GABBR2: variants seen among roughly 807,000 people sequenced by gnomAD.
GABBR2 encodes the protein gamma-aminobutyric acid type B receptor subunit 2, also known as G-protein coupled receptor 51.
In GABBR2, 23 loss-of-function variants were observed where a neutral mutation model predicts 105.6. The ratio of observed to expected loss-of-function variants is 0.22; its 90% CI spans 0.16 to 0.31. GABBR2 has a LOEUF of 0.31. Ranked by LOEUF, GABBR2 falls within the 10% of genes least tolerant of loss-of-function variation. The pLI is 1.00. For synonymous variants in GABBR2, 478 were observed against 499.7 expected, an observed-to-expected ratio of 0.96 and a Z score of 0.58; for missense variants, 734 against 1,245.5, an observed-to-expected ratio of 0.59 and a Z score of 6.18.
At position 98,454,564 on chromosome 9, in the gene GABBR2, G is replaced by A. The variant is rs1826292721; in HGVS notation, c.1000-347C>T. On this transcript the variant is annotated intron_variant, in intron 6 of 18. Transcript: ENST00000259455. The surrounding 1 kb of genome is among the most constrained non-coding windows in gnomAD (Gnocchi z 4.6). ...CTAAACTTGCAGGGCCTGGGGTGAG[G>A]TAGAGGCCCATATCCCGTATGTCTA... 6.6e-6 allele frequency among the ~76,000 whole-genome samples: 1 copy of A among 152,196 alleles called. No homozygotes were observed. Among genetic ancestry groups the A allele is most frequent in the African/African-American group, 2.4e-5 (1 of 41,456 alleles).
chr9:98,572,612 T>C (rs908454658), intron 2 of GABBR2, among the ~76,000 whole-genome samples: 1 of 152,036 alleles, frequency 6.6e-6, no homozygotes, highest in African/African-American at 2.4e-5. Flanking sequence ...TGTGTTGGGG[T>C]TGGGGTGGCT....
intron 13 of GABBR2, among the ~76,000 whole-genome samples, chr9:98,324,947 C>T (rs1830895048): frequency 6.6e-6 from 1 of 152,186 alleles, no homozygotes. Flanking sequence ...CATATACACA[C>T]ACACGCACAC....
At chr9:98,383,893 A>T (rs1273285655) in intron 11 of GABBR2, among the ~76,000 whole-genome samples, 1 of 152,160 alleles carries the variant, frequency 6.6e-6, no homozygotes, top group Non-Finnish European at 1.5e-5. Flanking sequence ...GGGGACTTGC[A>T]GCACATTTAA....
At chr9:98,303,813 C>T (rs745932418) in intron 15 of GABBR2, among the ~76,000 whole-genome samples, 8 of 152,218 alleles carry the variant, frequency 5.3e-5, no homozygotes, top group Non-Finnish European at 8.8e-5. Context: ...CAGAGGAGAG[C>T]GAAGGCCTCT....
At chr9:98,622,403 C>T (rs1459331142) in intron 1 of GABBR2, among the ~76,000 whole-genome samples, 3 of 152,078 alleles carry the variant, frequency 2.0e-5, no homozygotes, top group Non-Finnish European at 4.4e-5. Flanking sequence ...TGGACTGAAG[C>T]GATCCTCCTG....
chr9:98,633,611 C>T lies in GABBR2; in HGVS notation c.322-55539G>A, dbSNP rs146461169. ...TGCACTCCAGCCTGGGCAACAAGAGCGCGAGACTCCATCTCAAAAAAAAAA... is the reference window on the plus strand; with the variant it reads ...TGCACTCCAGCCTGGGCAACAAGAGTGCGAGACTCCATCTCAAAAAAAAAA... On this transcript the variant is annotated intron_variant, in intron 1 of 18. Coordinates refer to ENST00000259455, the MANE Select transcript of GABBR2 (RefSeq NM_005458.8). Among the ~76,000 whole-genome samples the T allele has an allele frequency of 5.8e-3, 760 of 131,022 alleles. 21 individuals carry two copies. The highest frequency in any genetic ancestry group is 0.058 in the East Asian group (273 of 4,742). The allele number at this position is 131,022 out of a possible 152,430, so 86.0% of individuals were successfully genotyped here. A position where few individuals can be genotyped will look rare whatever the true frequency, so the allele number is the denominator to read the frequency against.
intron 1 of GABBR2, among the ~76,000 whole-genome samples, chr9:98,595,844 A>T (rs1203120858): frequency 6.6e-6 from 1 of 152,064 alleles, no homozygotes; most frequent in Non-Finnish European, 1.5e-5. Context: ...AGCAATGGAG[A>T]TGAGCCAATC....
chr9:98,622,649 C>T (rs898591983), intron 1 of GABBR2, among the ~76,000 whole-genome samples: 18 of 152,328 alleles, frequency 1.2e-4, no homozygotes, highest in Middle Eastern at 3.4e-3. Context: ...CCTGTGGTGC[C>T]CTGTCTCGCT....
chr9:98,668,220 CAG>C (rs1410704176), intron 1 of GABBR2, among the ~76,000 whole-genome samples: 1 of 136,482 alleles, frequency 7.3e-6, no homozygotes, highest in Admixed American at 7.6e-5. Context: ...TTCTCCATCT[CAG>C]AGTCTTTTTC....
At chr9:98,466,299 A>G (rs1826554011) in intron 6 of GABBR2, among the ~76,000 whole-genome samples, 1 of 152,256 alleles carries the variant, frequency 6.6e-6, no homozygotes, top group Non-Finnish European at 1.5e-5. Context: ...CAGGCATCTG[A>G]ATGGCAAAGG....
chr9:98,303,481 T>C, intron 15 of GABBR2, 58 bp from the exon 16 acceptor site: 1 of 1,452,340 alleles, frequency 6.9e-7, no homozygotes, highest in South Asian at 1.2e-5. Context: ...CTTCCTCCCA[T>C]CCCACATGGC....
At chr9:98,635,637 G>T (rs969163469) in intron 1 of GABBR2, among the ~76,000 whole-genome samples, 5 of 152,180 alleles carry the variant, frequency 3.3e-5, no homozygotes, top group African/African-American at 4.8e-5. Context: ...GTGTCTGTAG[G>T]TTGGGTCTTT....
chr9:98,501,477 T>G (rs1827399501), intron 3 of GABBR2, among the ~76,000 whole-genome samples: 1 of 152,338 alleles, frequency 6.6e-6, no homozygotes, highest in African/African-American at 2.4e-5. Flanking sequence ...GAACTATTTT[T>G]AAAACATATC....
intron 1 of GABBR2, among the ~76,000 whole-genome samples, chr9:98,689,572 G>A (rs1447756790): frequency 1.3e-5 from 2 of 152,162 alleles, no homozygotes; most frequent in African/African-American, 2.4e-5. Flanking sequence ...GGTTTCTGAA[G>A]GATCTTGTAC....
intron 3 of GABBR2, among the ~76,000 whole-genome samples, chr9:98,510,420 A>C (rs562836258): frequency 3.3e-5 from 5 of 152,210 alleles, no homozygotes; most frequent in Non-Finnish European, 1.5e-5. Context: ...ACACATAACA[A>C]TATTAATTTT....
At chr9:98,416,730 C>T (rs1832696013) in intron 7 of GABBR2, among the ~76,000 whole-genome samples, 1 of 152,228 alleles carries the variant, frequency 6.6e-6, no homozygotes, top group South Asian at 2.1e-4. Flanking sequence ...TCATCTCTGT[C>T]CTTTCATTTT....
chr9:98,423,889 C>T (rs906202720), intron 7 of GABBR2, among the ~76,000 whole-genome samples: 4 of 152,162 alleles, frequency 2.6e-5, no homozygotes, highest in African/African-American at 9.7e-5. Flanking sequence ...TTGCTTTTGT[C>T]AGGTTTGTCA....
intron 1 of GABBR2, among the ~76,000 whole-genome samples, chr9:98,693,626 G>A (rs1830713017): frequency 6.6e-6 from 1 of 152,214 alleles, no homozygotes; most frequent in Non-Finnish European, 1.5e-5. Context: ...AGCTTCCTAA[G>A]GGGAGGGGCT....
intron 3 of GABBR2, among the ~76,000 whole-genome samples, chr9:98,519,585 A>G (rs7860880): frequency 0.021 from 3,198 of 152,362 alleles, 94 homozygotes; most frequent in African/African-American, 0.072. Flanking sequence ...GGTAAATAAA[A>G]TGAGATTCAG....
Sources: allele counts gnomAD v4.1 joint callset (sites outside exome capture counted in the v4.1 genomes callset), GRCh38; gene constraint gnomAD v4.1.1; non-coding constraint Gnocchi (gnomAD v3.1); transcripts MANE v1.5; gene names NCBI Gene and HGNC (gene_info 2026-07-23, HGNC 2026-07-21).